GRIK2: variants seen among roughly 807,000 people sequenced by gnomAD.
GRIK2 encodes the protein glutamate ionotropic receptor kainate type subunit 2.
In GRIK2, 32 loss-of-function variants were observed where a neutral mutation model predicts 100.3. The observed-to-expected ratio is 0.32, with a 90% CI of 0.24 to 0.43. GRIK2 has a LOEUF of 0.43. GRIK2 is among the 20% of genes least tolerant of loss of function. GRIK2 has a pLI of 1.00. For missense variants in GRIK2, 843 were observed against 1,114.9 expected (o/e 0.76, Z 3.47); for synonymous variants, 417 against 389.4 (o/e 1.07, Z -0.83).
intron 7 of GRIK2, among the ~76,000 whole-genome samples, chr6:101,796,117 A>T (rs1780286404): frequency 6.6e-6 from 1 of 152,190 alleles, no homozygotes; most frequent in African/African-American, 2.4e-5. Context: ...AACTTTGGAC[A>T]GATTATATGG....
intron 6 of GRIK2, among the ~76,000 whole-genome samples, chr6:101,683,740 CTT>C (rs1156638904): frequency 6.6e-5 from 10 of 152,278 alleles, no homozygotes; most frequent in African/African-American, 2.4e-4. Context: ...CTGTAAAACA[CTT>C]TTAATTGTTG....
chr6:101,909,935 AT>A (rs1788554659), intron 12 of GRIK2, among the ~76,000 whole-genome samples: 1 of 151,252 alleles, frequency 6.6e-6, no homozygotes, highest in South Asian at 2.1e-4. Flanking sequence ...ACTATCAGAA[AT>A]AAAAATCTGA....
intron 14 of GRIK2, among the ~76,000 whole-genome samples, chr6:102,003,939 A>G (rs910202357): frequency 1.3e-5 from 2 of 151,598 alleles, no homozygotes; most frequent in African/African-American, 4.8e-5. Context: ...CTAGGTATTA[A>G]AGTTTTATTT....
intron 2 of GRIK2, among the ~76,000 whole-genome samples, chr6:101,619,224 A>T (rs1321717944): frequency 1.3e-5 from 2 of 150,878 alleles, no homozygotes; most frequent in Admixed American, 1.3e-4. Context: ...TTTAGTTAAC[A>T]TTGTTGGGTG....
At chr6:101,414,843 A>G (rs1185807357) in intron 2 of GRIK2, among the ~76,000 whole-genome samples, 1 of 152,146 alleles carries the variant, frequency 6.6e-6, no homozygotes, top group Admixed American at 6.6e-5. Context: ...CTTTTCTTGT[A>G]GAAGATATGG....
chr6:101,595,463 A>G (rs921473580), intron 2 of GRIK2, among the ~76,000 whole-genome samples: 1 of 151,644 alleles, frequency 6.6e-6, no homozygotes, highest in African/African-American at 2.4e-5. Flanking sequence ...AGTTTGGCCT[A>G]AGGGCCATAG....
intron 10 of GRIK2, among the ~76,000 whole-genome samples, chr6:101,836,161 T>C (rs1336639757): frequency 6.6e-6 from 1 of 152,044 alleles, no homozygotes; most frequent in African/African-American, 2.4e-5. Context: ...ATGTGGCCTG[T>C]ATTTTTCCTT....
At chr6:101,511,398 T>C (rs570331774) in intron 2 of GRIK2, among the ~76,000 whole-genome samples, 1 of 152,230 alleles carries the variant, frequency 6.6e-6, no homozygotes, top group East Asian at 1.9e-4. Context: ...TATAATTAGA[T>C]TGCTCTGAGT....
chr6:101,709,453 A>G (rs1773555796), intron 7 of GRIK2, among the ~76,000 whole-genome samples: 1 of 151,864 alleles, frequency 6.6e-6, no homozygotes, highest in Non-Finnish European at 1.5e-5. Context: ...TACTCTGTCT[A>G]TTAGAAAAGT....
At chr6:101,492,049 G>A (rs557528856) in intron 2 of GRIK2, among the ~76,000 whole-genome samples, 2 of 151,836 alleles carry the variant, frequency 1.3e-5, no homozygotes, top group South Asian at 4.2e-4. Flanking sequence ...GTAAGGCTAA[G>A]GTTAATCACT....
intron 2 of GRIK2, among the ~76,000 whole-genome samples, chr6:101,538,800 G>A (rs547146462): frequency 1.9e-4 from 29 of 151,616 alleles, no homozygotes; most frequent in African/African-American, 5.1e-4. Flanking sequence ...AATGGGTTCC[G>A]AATAAATATC....
chr6:101,657,465 G>A (rs1769279646), intron 4 of GRIK2, among the ~76,000 whole-genome samples: 1 of 152,130 alleles, frequency 6.6e-6, no homozygotes. Flanking sequence ...CTTTATAGCA[G>A]TGTGAGAACA....
intron 14 of GRIK2, among the ~76,000 whole-genome samples, chr6:101,972,277 T>C (rs762198630): frequency 2.6e-5 from 4 of 152,026 alleles, no homozygotes; most frequent in Non-Finnish European, 4.4e-5. Context: ...GTTTTTTGTC[T>C]GTTTAATAAT....
chr6:101,396,362 T>TA (rs1441606889), intron 1 of GRIK2, among the ~76,000 whole-genome samples: 2 of 152,248 alleles, frequency 1.3e-5, no homozygotes, highest in Admixed American at 6.5e-5. Context: ...ATTGTACATT[T>TA]AAAAAATGTC....
chr6:101,969,034 A>G (rs1792875591), intron 14 of GRIK2, among the ~76,000 whole-genome samples: 1 of 152,050 alleles, frequency 6.6e-6, no homozygotes. Flanking sequence ...CACTATATAA[A>G]CATTTTGAAT....
chr6:101,771,944 T>C (rs937934331), intron 7 of GRIK2, among the ~76,000 whole-genome samples: 1 of 152,070 alleles, frequency 6.6e-6, no homozygotes, highest in African/African-American at 2.4e-5. Context: ...TGTTGGACAT[T>C]TGGGTTGGTT....
At chr6:101,606,761 A>C (rs1300023135) in intron 2 of GRIK2, among the ~76,000 whole-genome samples, 2 of 151,978 alleles carry the variant, frequency 1.3e-5, no homozygotes, top group Non-Finnish European at 2.9e-5. Flanking sequence ...GTACCAGAGA[A>C]AACTCAGGTG....
intron 7 of GRIK2, among the ~76,000 whole-genome samples, chr6:101,727,077 TGTG>T (rs1027975376): frequency 1.3e-5 from 2 of 152,090 alleles, no homozygotes; most frequent in Non-Finnish European, 2.9e-5. Context: ...AATATTATTT[TGTG>T]GTGGTAAAAT....
At chr6:101,479,435 C>T (rs1040606882) in intron 2 of GRIK2, among the ~76,000 whole-genome samples, 6 of 151,848 alleles carry the variant, frequency 4.0e-5, no homozygotes, top group African/African-American at 7.3e-5. Flanking sequence ...ATTATCATGG[C>T]GATTTACTAT....
Sources: allele counts gnomAD v4.1 joint callset (sites outside exome capture counted in the v4.1 genomes callset), GRCh38; gene constraint gnomAD v4.1.1; transcripts MANE v1.5; gene names NCBI Gene and HGNC (gene_info 2026-07-23, HGNC 2026-07-21).